Variants in FSTL4 observed in about 807,000 individuals in gnomAD.
FSTL4 encodes follistatin like 4.
Under a neutral mutation model 78.2 loss-of-function variants are expected in FSTL4, and 28 were observed. The ratio of observed to expected loss-of-function variants is 0.36; its 90% CI spans 0.27 to 0.49. FSTL4 has a LOEUF of 0.49. FSTL4 is among the 20% of genes least tolerant of loss of function. FSTL4 has a pLI of 0.98. For synonymous variants in FSTL4, 422 were observed against 440.5 expected, an observed-to-expected ratio of 0.96 and a Z score of 0.53; for missense variants, 922 against 1,084.9, an observed-to-expected ratio of 0.85 and a Z score of 2.11.
the FSTL4 span, among the ~76,000 whole-genome samples, chr5:133,831,472 T>C: frequency 1.3e-5 from 2 of 152,312 alleles, no homozygotes; most frequent in East Asian, 3.9e-4. Flanking sequence ...TGGAAAATAT[T>C]GATACTTCTG....
Position 133,217,314 on chromosome 5 carries a change from T to C in FSTL4, c.1523A>G (p.Asn508Ser), listed in dbSNP as rs747508533. Residue 508 changes from asparagine to serine, a missense_variant, in exon 13 of 16, where the codon AAT (asparagine) becomes AGT (serine). Coordinates refer to ENST00000265342, the MANE Select transcript of FSTL4 (RefSeq NM_015082.2). The part of the protein sequence containing the change: ...TQPCQWVSAV[N>S]VRNRYIYVAQ... The stretch of plus-strand genomic sequence containing the variant: ...CACATAGATGTACCGGTTCCGGACA[T>C]TGACTGCAGATACCCACTGGCAGGG... 5 of 1,613,942 alleles carry C rather than the reference T, an allele frequency of 3.1e-6. No individual in the cohort carries two copies. Among genetic ancestry groups the C allele is most frequent in the Non-Finnish European group, 3.4e-6 (4 of 1,179,934 alleles).
chr5:133,383,822 A>C (rs777360856), intron 4 of FSTL4, among the ~76,000 whole-genome samples: 12 of 152,146 alleles, frequency 7.9e-5, no homozygotes, highest in Non-Finnish European at 1.6e-4. Context: ...CTCAGACAAA[A>C]GTATCCTTAG....
the FSTL4 span, among the ~76,000 whole-genome samples, chr5:133,813,718 G>A: frequency 1.3e-5 from 2 of 152,106 alleles, no homozygotes; most frequent in Non-Finnish European, 1.5e-5. Context: ...TAAATAATGG[G>A]CACCAGCCCT....
Position 133,440,624 on chromosome 5 carries a change from A to G in FSTL4, c.161-39638T>C, listed in dbSNP as rs917994775. On this transcript the variant is annotated intron_variant, in intron 3 of 15. Coordinates refer to ENST00000265342, the MANE Select transcript of FSTL4 (RefSeq NM_015082.2). This position sits in a 1 kb window ranked among gnomAD's most constrained non-coding sequence, Gnocchi z 4.1. ...CCATGGAGCTGGGTCACCTCCCTGG[A>G]GGCACAGGGTAGTGGCCTGAGTCAT... Among the ~76,000 whole-genome samples, 8 of 152,138 alleles carry G rather than the reference A, an allele frequency of 5.3e-5. No homozygotes were observed. Among genetic ancestry groups the G allele is most frequent in the South Asian group, 2.1e-4 (1 of 4,828 alleles).
At chr5:133,454,324 A>G (rs1166403114) in intron 3 of FSTL4, among the ~76,000 whole-genome samples, 4 of 152,246 alleles carry the variant, frequency 2.6e-5, no homozygotes, top group Non-Finnish European at 4.4e-5. Context: ...AAAAATACCT[A>G]CATCTGAGTA....
At chr5:133,410,480 G>A (rs756600546) in intron 3 of FSTL4, among the ~76,000 whole-genome samples, 3 of 152,148 alleles carry the variant, frequency 2.0e-5, no homozygotes, top group Non-Finnish European at 2.9e-5. Flanking sequence ...ATTCAAGGCC[G>A]TGACACCCCA....
chr5:133,740,628 C>A, the FSTL4 span, among the ~76,000 whole-genome samples: 1 of 152,160 alleles, frequency 6.6e-6, no homozygotes, highest in Non-Finnish European at 1.5e-5. Context: ...CCAGATCATT[C>A]ACCTCGATTT....
chr5:133,259,869 G>A (rs897998073), intron 6 of FSTL4, among the ~76,000 whole-genome samples: 7 of 152,024 alleles, frequency 4.6e-5, no homozygotes, highest in African/African-American at 1.2e-4. Flanking sequence ...TGCATAATAC[G>A]GTGTGATTTC....
rs187980660 is a variant in FSTL4, at chr5:133,380,548, A to G, written c.409+20190T>C. On this transcript the variant is annotated intron_variant, in intron 4 of 15. Transcript: ENST00000265342. Reference sequence around the variant, plus strand: ...AGTTATTTAAAAATTTCACACAAAGAAAAGCAAGGGACCAAATTAATTCAC... The same window carrying G: ...AGTTATTTAAAAATTTCACACAAAGGAAAGCAAGGGACCAAATTAATTCAC... Among the ~76,000 whole-genome samples the G allele has an allele frequency of 3.8e-3, 576 of 152,064 alleles. 9 individuals are homozygous for G. Among genetic ancestry groups the G allele is most frequent in the African/African-American group, 0.013 (545 of 41,566 alleles).
At chr5:133,436,719 TA>T (rs1306273517) in intron 3 of FSTL4, among the ~76,000 whole-genome samples, 1 of 151,842 alleles carries the variant, frequency 6.6e-6, no homozygotes, top group Non-Finnish European at 1.5e-5. Flanking sequence ...TGCTATAAAT[TA>T]GGACTTTTCC....
At chr5:133,462,121 A>T (rs1435665534) in intron 3 of FSTL4, among the ~76,000 whole-genome samples, 2 of 152,230 alleles carry the variant, frequency 1.3e-5, no homozygotes, top group Non-Finnish European at 2.9e-5. Context: ...GGGGAGAGAA[A>T]GGTAGACACA....
chr5:133,792,805 A>T, the FSTL4 span, among the ~76,000 whole-genome samples: 1 of 152,234 alleles, frequency 6.6e-6, no homozygotes, highest in Non-Finnish European at 1.5e-5. Flanking sequence ...CAAAGCAGCA[A>T]TCCAAGTTTT....
At chr5:133,301,874 T>C (rs562759156) in intron 6 of FSTL4, among the ~76,000 whole-genome samples, 67 of 152,080 alleles carry the variant, frequency 4.4e-4, no homozygotes, top group Non-Finnish European at 7.9e-4. Context: ...CATTACCAAG[T>C]ACCCCCAAGC....
At chr5:133,829,768 C>G in the FSTL4 span, among the ~76,000 whole-genome samples, 1 of 152,242 alleles carries the variant, frequency 6.6e-6, no homozygotes, top group Non-Finnish European at 1.5e-5. Flanking sequence ...GAGGCTATTT[C>G]TAGAGCCTTG....
chr5:133,696,746 C>T, the FSTL4 span, among the ~76,000 whole-genome samples: 1 of 152,262 alleles, frequency 6.6e-6, no homozygotes, highest in African/African-American at 2.4e-5. Flanking sequence ...GGAGGGGAAG[C>T]CCCAGTGGGC....
chr5:133,376,417 C>A (rs1438234216), intron 4 of FSTL4, among the ~76,000 whole-genome samples: 1 of 152,244 alleles, frequency 6.6e-6, no homozygotes, highest in East Asian at 1.9e-4. Flanking sequence ...ATTCACAACA[C>A]ATTAAATCCA....
intron 2 of FSTL4, among the ~76,000 whole-genome samples, chr5:133,592,679 G>A (rs1243446115): frequency 6.6e-6 from 1 of 152,064 alleles, no homozygotes; most frequent in African/African-American, 2.4e-5. Flanking sequence ...CAATGAGTGA[G>A]TCCTACCCTA....
At chr5:133,808,221 A>C in the FSTL4 span, among the ~76,000 whole-genome samples, 1 of 152,266 alleles carries the variant, frequency 6.6e-6, no homozygotes, top group Non-Finnish European at 1.5e-5. Flanking sequence ...TTTAAGACAT[A>C]GTGCATCTCT....
the FSTL4 span, among the ~76,000 whole-genome samples, chr5:133,755,280 G>C: frequency 1.3e-5 from 2 of 152,170 alleles, no homozygotes; most frequent in African/African-American, 4.8e-5. Context: ...ACCCAGGATA[G>C]CACTCTCACT....
Sources: gnomAD v4.1 joint callset for allele counts (sites outside exome capture counted in the v4.1 genomes callset) on GRCh38, gnomAD v4.1.1 for gene constraint, Gnocchi (gnomAD v3.1) non-coding constraint, MANE v1.5 for transcripts, NCBI Gene and HGNC (gene_info 2026-07-23, HGNC 2026-07-21) for gene names.